Variants in PIGK observed in about 807,000 individuals in gnomAD.
The protein encoded by PIGK is GPI-anchor transamidase.
A neutral mutation model predicts 50.6 loss-of-function variants in PIGK; 42 were observed. The observed-to-expected ratio is 0.83, with a 90% confidence interval of 0.65 to 1.07. The LOEUF is 1.07. Among genes scored for constraint, PIGK ranks in the 50% least tolerant of loss-of-function variants. The pLI, the probability that PIGK is intolerant of heterozygous loss-of-function variation, is 0.00. For synonymous variants in PIGK, 151 were observed against 156.0 expected (o/e 0.97, Z 0.24); for missense variants, 448 against 488.7 (o/e 0.92, Z 0.78).
chr1:77,183,095 T>C (rs1291545594), intron 3 of PIGK, among the ~76,000 whole-genome samples: 2 of 152,202 alleles, frequency 1.3e-5, no homozygotes, highest in African/African-American at 4.8e-5. Context: ...CAAGTTCTTA[T>C]CATGCAAGTG....
At chr1:77,129,694 A>C (rs914905580) in intron 9 of PIGK, 10 of 1,112,672 alleles carry the variant, frequency 9.0e-6, no homozygotes, top group Non-Finnish European at 1.3e-5. Context: ...AAATGTAATT[A>C]AAAGGAAAAA....
chr1:77,110,359 A>C (rs573298264), intron 10 of PIGK, among the ~76,000 whole-genome samples: 4 of 152,250 alleles, frequency 2.6e-5, no homozygotes, highest in East Asian at 3.9e-4. Flanking sequence ...ACTTCAAACT[A>C]TACTACAAGG....
chr1:77,107,706 A>T (rs1350885590), intron 10 of PIGK, among the ~76,000 whole-genome samples: 1 of 152,076 alleles, frequency 6.6e-6, no homozygotes, highest in Non-Finnish European at 1.5e-5. Context: ...GTCTCCCATT[A>T]TTATTGTGTG....
Position 77,199,120 on chromosome 1 carries a change from T to C in PIGK, c.239+7520A>G, listed in dbSNP as rs377619117. ...TCATGGTCTTGTTAGACTTGCAAAT[T>C]GGTCCTACATATGATCTAAACATAA... On this transcript the variant is annotated intron_variant, in intron 3 of 10. Coordinates refer to ENST00000370812, the MANE Select transcript of PIGK (RefSeq NM_005482.3). Among the ~76,000 whole-genome samples the C allele has an allele frequency of 1.4e-3, 208 of 152,202 alleles. 1 individual carries two copies. Among genetic ancestry groups the C allele is most frequent in the African/African-American group, 4.9e-3 (203 of 41,564 alleles).
intron 3 of PIGK, among the ~76,000 whole-genome samples, chr1:77,204,248 C>A (rs186512090): frequency 1.7e-4 from 26 of 152,128 alleles, no homozygotes; most frequent in Non-Finnish European, 3.8e-4. Flanking sequence ...TATACGGTTG[C>A]AGATAAGGGA....
intron 10 of PIGK, among the ~76,000 whole-genome samples, chr1:77,094,515 C>T (rs2069225): frequency 0.11 from 17,208 of 152,150 alleles, 1,325 homozygotes; most frequent in African/African-American, 0.21. Context: ...GAACATCATT[C>T]AAGCTCTACA....
chr1:77,170,917 T>G (rs1418362618), intron 3 of PIGK, among the ~76,000 whole-genome samples: 1 of 152,204 alleles, frequency 6.6e-6, no homozygotes, highest in Non-Finnish European at 1.5e-5. Flanking sequence ...TCTTGAAAAT[T>G]GGCTAGATTT....
At chr1:77,145,817 C>A (rs1283085646) in intron 9 of PIGK, among the ~76,000 whole-genome samples, 2 of 151,628 alleles carry the variant, frequency 1.3e-5, no homozygotes, top group African/African-American at 4.8e-5. Flanking sequence ...CTACAATAAT[C>A]AAGAATGTAA....
chr1:77,111,723 G>A lies in PIGK; in HGVS notation c.1071+10552C>T, dbSNP rs550613479. ...GTATACATATGTAACAAACCTGCAC[G>A]TTGTGCACATGTACCCTAGAACTTA... is the stretch of plus-strand genomic sequence containing the variant. On this transcript the variant is annotated intron_variant, in intron 10 of 10. Transcript: ENST00000370812. Among the ~76,000 whole-genome samples the A allele has an allele frequency of 6.9e-4, 105 of 152,048 alleles. 1 individual carries two copies. Among genetic ancestry groups the A allele is most frequent in the Non-Finnish European group, 1.1e-3 (72 of 67,992 alleles).
chr1:77,195,467 G>A, intron 3 of PIGK: 2 of 836,222 alleles, frequency 2.4e-6, no homozygotes, highest in Non-Finnish European at 1.8e-6. Context: ...GTTTGACTCA[G>A]AAAAAAAGAA....
At chr1:77,173,472 G>A (rs1655411880) in intron 3 of PIGK, among the ~76,000 whole-genome samples, 1 of 152,118 alleles carries the variant, frequency 6.6e-6, no homozygotes, top group South Asian at 2.1e-4. Context: ...CAGAACTATG[G>A]TGTGGTAAGC....
At chr1:77,102,355 T>G (rs1653568821) in intron 10 of PIGK, among the ~76,000 whole-genome samples, 1 of 152,200 alleles carries the variant, frequency 6.6e-6, no homozygotes, top group Non-Finnish European at 1.5e-5. Context: ...GAAATTAAAT[T>G]TGCTAATCCA....
intron 5 of PIGK, among the ~76,000 whole-genome samples, chr1:77,165,731 C>G (rs1302059814): frequency 6.6e-6 from 1 of 151,892 alleles, no homozygotes; most frequent in Non-Finnish European, 1.5e-5. Flanking sequence ...TAAAAATTAA[C>G]ATGGGCATGC....
At chr1:77,172,065 A>G (rs1570240410) in intron 3 of PIGK, among the ~76,000 whole-genome samples, 1 of 138,888 alleles carries the variant, frequency 7.2e-6, no homozygotes, top group Non-Finnish European at 1.6e-5. Flanking sequence ...CTGGTTCTAC[A>G]TTTAATTTTT....
At chr1:77,096,898 GTTTT>G (rs1237259579) in intron 10 of PIGK, among the ~76,000 whole-genome samples, 1 of 92,132 alleles carries the variant, frequency 1.1e-5, no homozygotes, top group South Asian at 3.5e-4. Flanking sequence ...TTTTTTTTTT[GTTTT>G]TTTGTTTTTT....
intron 8 of PIGK, among the ~76,000 whole-genome samples, chr1:77,157,966 C>T (rs1474964664): frequency 6.6e-6 from 1 of 152,128 alleles, no homozygotes; most frequent in Admixed American, 6.5e-5. Flanking sequence ...GAGGCCTCTC[C>T]AGCCATGTGG....
chr1:77,106,010 C>T (rs1357427878), intron 10 of PIGK, among the ~76,000 whole-genome samples: 1 of 152,064 alleles, frequency 6.6e-6, no homozygotes, highest in Non-Finnish European at 1.5e-5. Context: ...GAAAATGCAC[C>T]AAGTTAAAAA....
intron 8 of PIGK, among the ~76,000 whole-genome samples, chr1:77,156,359 TTTC>T (rs1655008283): frequency 6.6e-6 from 1 of 152,210 alleles, no homozygotes; most frequent in Non-Finnish European, 1.5e-5. Flanking sequence ...AAGTCACTCC[TTTC>T]TTTTAAGAAT....
intron 3 of PIGK, among the ~76,000 whole-genome samples, chr1:77,184,322 G>C (rs931546381): frequency 6.6e-6 from 1 of 152,104 alleles, no homozygotes; most frequent in Admixed American, 6.5e-5. Flanking sequence ...CAAAAACAGA[G>C]AATCATGGCC....
Sources: gnomAD v4.1 joint callset for allele counts (sites outside exome capture counted in the v4.1 genomes callset) on GRCh38, gnomAD v4.1.1 for gene constraint, MANE v1.5 for transcripts, NCBI Gene and HGNC (gene_info 2026-07-23, HGNC 2026-07-21) for gene names.